GOLGB1: variants seen among roughly 807,000 people sequenced by gnomAD.
GOLGB1 encodes golgin subfamily B member 1.
Under a neutral mutation model 336.9 loss-of-function variants are expected in GOLGB1, and 174 were observed. The ratio of observed to expected loss-of-function variants is 0.52; its 90% CI spans 0.46 to 0.59. The LOEUF is 0.59. Ranked by LOEUF, GOLGB1 falls within the 20% of genes least tolerant of loss-of-function variation. The pLI is 0.00. For missense variants in GOLGB1, 3,331 were observed against 3,645.3 expected, an observed-to-expected ratio of 0.91 and a Z score of 2.22; for synonymous variants, 1,208 against 1,289.2, an observed-to-expected ratio of 0.94 and a Z score of 1.35.
intron 6 of GOLGB1, 127 bp downstream of exon 6, chr3:121,722,135 T>C (rs1430930724): frequency 2.3e-5 from 14 of 620,250 alleles, no homozygotes; most frequent in Non-Finnish European, 4.1e-5. Flanking sequence ...TTCTAATTTC[T>C]AGTGCAACAC....
At chr3:121,726,369 G>C (rs1945598810) in intron 5 of GOLGB1, among the ~76,000 whole-genome samples, 1 of 144,258 alleles carries the variant, frequency 6.9e-6, no homozygotes, top group African/African-American at 2.6e-5. Context: ...GGCAAGCAGA[G>C]GTTACAGAGA....
chr3:121,713,107 A>G (rs1315788617), intron 10 of GOLGB1, among the ~76,000 whole-genome samples: 1 of 152,156 alleles, frequency 6.6e-6, no homozygotes, highest in Non-Finnish European at 1.5e-5. Context: ...GGTTGCAGTG[A>G]GCCGAGATCG....
intron 1 of GOLGB1, among the ~76,000 whole-genome samples, chr3:121,734,001 C>A (rs1946302542): frequency 6.6e-6 from 1 of 151,770 alleles, no homozygotes. Context: ...TTTTAGACAC[C>A]AAAAAAGCAC....
rs763332024 is a variant in GOLGB1 at position 121,694,522 on chromosome 3, C to T, written c.6001G>A (p.Gly2001Ser). 1.2e-6 allele frequency: 2 copies of T among 1,612,514 alleles called. No homozygotes were observed. Among genetic ancestry groups the T allele is most frequent in the South Asian group, 1.1e-5 (1 of 90,926 alleles). Residue 2001 changes from glycine to serine, a missense_variant, in exon 13 of 22, where the codon GGT becomes AGT. Gly to Ser is a moderately conservative substitution (Grantham distance 56). Transcript: ENST00000614479. ...TTATTTCCGGGTTCTTTCTGAGCAC[C>T]TTGTATTTTCTCCAAATATTCCTTT... is the stretch of plus-strand genomic sequence containing the variant. ...IRKEYLEKIQ[G>S]AQKEPGNKSH...
At position 121,681,345 on chromosome 3, in the gene GOLGB1, A is replaced by C. The variant is rs892417916; in HGVS notation, c.8873+342T>G. Among the ~76,000 whole-genome samples, 4 of 152,212 alleles carry C rather than the reference A, an allele frequency of 2.6e-5. No homozygotes were observed. The South Asian group carries it at 8.3e-4, about 32-fold the overall frequency. The stretch of plus-strand genomic sequence containing the variant: ...GTAGGGAAGGGAGGAATGTGACTAT[A>C]AACTAGTAGCACAAAGGACGTATTT... On this transcript the variant is annotated intron_variant, in intron 15 of 21. Coordinates refer to ENST00000614479, the MANE Select transcript of GOLGB1 (RefSeq NM_001366282.2).
intron 1 of GOLGB1, among the ~76,000 whole-genome samples, chr3:121,745,863 G>A (rs1459781009): frequency 2.0e-5 from 3 of 152,106 alleles, no homozygotes; most frequent in African/African-American, 4.8e-5. Context: ...TCAGAATTAA[G>A]TAAGTTTTAT....
chr3:121,695,545 C>T lies in GOLGB1; in HGVS notation c.4978G>A (p.Ala1660Thr). The stretch of plus-strand genomic sequence containing the variant: ...TGCTTTTCTGTCTCCTTCTTGTTTG[C>T]CTCTGTGCTTCTTAACTTGCCATAC... ...ELYGKLRSTEANKKETEKQLQ... is the reference protein window; with the variant it reads ...ELYGKLRSTETNKKETEKQLQ... The change falls in exon 13 of 22, where the codon GCA becomes ACA. Residue 1660 changes from alanine (A) to threonine (T), a missense_variant. Physicochemically the swap from Ala to Thr is moderately conservative, Grantham distance 58. Transcript: ENST00000614479. 3 of 1,614,020 alleles carry T rather than the reference C, an allele frequency of 1.9e-6. No homozygotes were observed. The highest frequency in any genetic ancestry group is 2.5e-6 in the Non-Finnish European group (3 of 1,179,986).
intron 5 of GOLGB1, among the ~76,000 whole-genome samples, chr3:121,722,991 C>T (rs753794643): frequency 6.6e-5 from 10 of 152,082 alleles, no homozygotes; most frequent in Non-Finnish European, 1.5e-4. Flanking sequence ...ATCATGGCTC[C>T]CTTCTGAGAC....
intron 10 of GOLGB1, among the ~76,000 whole-genome samples, chr3:121,710,098 G>C (rs916463391): frequency 5.6e-5 from 8 of 143,044 alleles, no homozygotes; most frequent in Non-Finnish European, 7.6e-5. Context: ...AACTGGCACC[G>C]GGTGGAAAAA....
In GOLGB1 at chr3:121,714,948, A is replaced by C; in HGVS notation, c.1317T>G (p.Ile439Met). The change falls in exon 10 of 22, where the codon ATT becomes ATG. Residue 439 changes from isoleucine (I) to methionine (M), a missense_variant. Physicochemically the swap from Ile to Met is conservative, Grantham distance 10. Transcript: ENST00000614479. ...EDQLQQKSKE[I>M]SQFLNRLPLQ... ...AGGGCAGTCTATTTAGAAATTGGCT[A>C]ATTTCTTTGGATTTTTGCTGGAGCT... The C allele has an allele frequency of 6.2e-7, 1 of 1,611,312 alleles. No individual in the cohort carries two copies. The highest frequency in any genetic ancestry group is 8.5e-7 in the Non-Finnish European group (1 of 1,177,600).
chr3:121,695,108 T>A lies in GOLGB1; in HGVS notation c.5415A>T (p.Gln1805His), dbSNP rs1942818581. Residue 1805 changes from glutamine (Q) to histidine (H), a missense_variant, in exon 13 of 22, where the codon CAA (glutamine) becomes CAT (histidine). By Grantham distance (24) the Gln-to-His change is conservative. Transcript: ENST00000614479. ...TQSIPGETEE[Q>H]DSLSMSTRPT... ...GTCTTGTGCTCATACTCAGAGAGTC[T>A]TGCTCTTCAGTCTCACCTGGTATAG... 1.2e-6 allele frequency: 2 copies of A among 1,613,920 alleles called. No homozygotes were observed. Among genetic ancestry groups the A allele is most frequent in the African/African-American group, 2.7e-5 (2 of 74,882 alleles).
At position 121,719,730 on chromosome 3, in the gene GOLGB1, G is replaced by A; in HGVS notation, c.687C>T (p.Ala229=). The A allele has an allele frequency of 1.2e-6, 2 of 1,608,476 alleles. No homozygotes were observed. The highest frequency in any genetic ancestry group is 1.7e-6 in the Non-Finnish European group (2 of 1,177,166). The change falls in exon 7 of 22, where the codon GCC becomes GCT. Residue 229 remains alanine, a synonymous_variant. Transcript: ENST00000614479. ...SMQQVVREKD[A]RFETQVRLHE... ...GAAGACGAACTTGTGTTTCAAAGCG[G>A]GCATCTTTCTCTCGGACCACCTGCT...
intron 1 of GOLGB1, among the ~76,000 whole-genome samples, chr3:121,746,384 A>C (rs1030716056): frequency 6.6e-6 from 1 of 152,244 alleles, no homozygotes; most frequent in African/African-American, 2.4e-5. Flanking sequence ...TAACATACAT[A>C]CACAGCGTGA....
chr3:121,671,885 A>C (rs1042147736), intron 17 of GOLGB1, among the ~76,000 whole-genome samples: 14 of 151,608 alleles, frequency 9.2e-5, no homozygotes, highest in Admixed American at 9.2e-4. Flanking sequence ...CACACGAGTG[A>C]GAATGTGATA....
In GOLGB1 at chr3:121,696,328, G is replaced by A. The variant is rs559781533; in HGVS notation, c.4195C>T (p.Leu1399=). The A allele has an allele frequency of 3.7e-5, 59 of 1,614,120 alleles. No individual in the cohort carries two copies. In the South Asian group the frequency reaches 6.1e-4, roughly 17 times the overall value. ...LEHLRELQPK[L]DELQKLISKK... Reference sequence around the variant, plus strand: ...CTTATGAGTTTTTGCAGTTCATCCAGTTTAGGTTGCAATTCTCTTAGATGT... The same window carrying A: ...CTTATGAGTTTTTGCAGTTCATCCAATTTAGGTTGCAATTCTCTTAGATGT... The change falls in exon 13 of 22, where the codon CTG becomes TTG. Residue 1399 remains leucine, a synonymous_variant. Transcript: ENST00000614479.
intron 10 of GOLGB1, among the ~76,000 whole-genome samples, chr3:121,711,467 C>T (rs1285007214): frequency 6.6e-6 from 1 of 152,042 alleles, no homozygotes; most frequent in Non-Finnish European, 1.5e-5. Flanking sequence ...AGATTAGAAA[C>T]AATGCAAGAA....
intron 10 of GOLGB1, among the ~76,000 whole-genome samples, chr3:121,708,280 A>T (rs772309728): frequency 1.3e-5 from 2 of 152,136 alleles, no homozygotes; most frequent in Non-Finnish European, 2.9e-5. Flanking sequence ...AGGACATGAA[A>T]AAACTTCTAG....
intron 5 of GOLGB1, among the ~76,000 whole-genome samples, chr3:121,723,667 T>C (rs1231327154): frequency 6.6e-6 from 1 of 152,122 alleles, no homozygotes; most frequent in African/African-American, 2.4e-5. Context: ...TCTTTAATTA[T>C]TACAAATAAA....
chr3:121,745,921 C>G (rs1011871367), intron 1 of GOLGB1, among the ~76,000 whole-genome samples: 1 of 152,112 alleles, frequency 6.6e-6, no homozygotes, highest in South Asian at 2.1e-4. Context: ...ATAACAACCA[C>G]CTGGTGTTCA....
Sources: gnomAD v4.1 joint callset for allele counts (sites outside exome capture counted in the v4.1 genomes callset) on GRCh38, gnomAD v4.1.1 for gene constraint, MANE v1.5 for transcripts, NCBI Gene and HGNC (gene_info 2026-07-23, HGNC 2026-07-21) for gene names.